Variants in DPY19L2 observed in about 807,000 individuals in gnomAD.
DPY19L2 encodes the protein probable C-mannosyltransferase DPY19L2.
Under a neutral mutation model 97.9 loss-of-function variants are expected in DPY19L2, and 34 were observed. The ratio of observed to expected loss-of-function variants is 0.35; its 90% CI spans 0.26 to 0.46. The LOEUF (loss-of-function observed/expected upper bound fraction) is 0.46. DPY19L2 is among the 20% of genes least tolerant of loss of function. The pLI is 1.00. For missense variants in DPY19L2, 623 were observed against 911.4 expected (o/e 0.68, Z 4.07); for synonymous variants, 230 against 307.9 (o/e 0.75, Z 2.65).
At chr12:63,661,249 C>T (rs1895635178) in intron 4 of DPY19L2, 95 bp downstream of exon 4, 10 of 1,241,196 alleles carry the variant, frequency 8.1e-6, no homozygotes, top group Admixed American at 2.8e-5. Context: ...AAACCTGAAA[C>T]GTCCCCTCCC....
At chr12:63,604,575 T>C (rs995915792) in intron 12 of DPY19L2, among the ~76,000 whole-genome samples, 2 of 152,102 alleles carry the variant, frequency 1.3e-5, no homozygotes, top group African/African-American at 4.8e-5. Flanking sequence ...ATTTCTATTG[T>C]TCTGTCTTCA....
At chr12:63,630,363 C>T (rs12313913) in intron 6 of DPY19L2, among the ~76,000 whole-genome samples, 2 of 151,928 alleles carry the variant, frequency 1.3e-5, no homozygotes, top group Admixed American at 6.6e-5. Flanking sequence ...AATAAAGGGA[C>T]AGAGGAAGAT....
chr12:63,598,551 T>G (rs1273536076), intron 13 of DPY19L2, among the ~76,000 whole-genome samples: 1 of 152,112 alleles, frequency 6.6e-6, no homozygotes, highest in Non-Finnish European at 1.5e-5. Flanking sequence ...CTGCTCTTGG[T>G]GAGACAATTA....
intron 2 of DPY19L2, among the ~76,000 whole-genome samples, chr12:63,664,636 G>GA (rs1592782161): frequency 6.6e-6 from 1 of 152,126 alleles, no homozygotes; most frequent in African/African-American, 2.4e-5. Context: ...TGTACTTGAA[G>GA]ACCTTTTAGT....
chr12:63,560,932 C>A (rs190802023), intron 21 of DPY19L2, among the ~76,000 whole-genome samples: 8 of 152,266 alleles, frequency 5.3e-5, no homozygotes, highest in South Asian at 2.1e-4. Flanking sequence ...TGTAAAAGCA[C>A]ACTTTCAAGA....
intron 19 of DPY19L2, among the ~76,000 whole-genome samples, chr12:63,571,656 G>T (rs1247655487): frequency 6.6e-6 from 1 of 152,082 alleles, no homozygotes; most frequent in African/African-American, 2.4e-5. Context: ...TAAGTTCTCA[G>T]AGTTACCATT....
At chr12:63,587,140 T>G (rs960222289) in intron 16 of DPY19L2, among the ~76,000 whole-genome samples, 1 of 152,100 alleles carries the variant, frequency 6.6e-6, no homozygotes, top group African/African-American at 2.4e-5. Flanking sequence ...GCAATATTAA[T>G]TTTATACAAA....
intron 12 of DPY19L2, among the ~76,000 whole-genome samples, chr12:63,601,358 T>G (rs1885161224): frequency 6.6e-6 from 1 of 152,186 alleles, no homozygotes; most frequent in Non-Finnish European, 1.5e-5. Context: ...GTTTATTTTT[T>G]GACTAGCCTT....
intron 9 of DPY19L2, among the ~76,000 whole-genome samples, chr12:63,619,401 T>C (rs2137780131): frequency 6.6e-6 from 1 of 152,274 alleles, no homozygotes; most frequent in South Asian, 2.1e-4. Context: ...ATTATCCCTC[T>C]GTAAGCATGA....
chr12:63,653,888 T>A (rs997594665), intron 4 of DPY19L2, among the ~76,000 whole-genome samples: 2 of 151,986 alleles, frequency 1.3e-5, no homozygotes, highest in African/African-American at 4.8e-5. Flanking sequence ...GGCACAACAC[T>A]TGCCGAATGC....
chr12:63,609,116 C>T (rs1428626118), intron 11 of DPY19L2, among the ~76,000 whole-genome samples: 2 of 152,028 alleles, frequency 1.3e-5, no homozygotes, highest in East Asian at 3.8e-4. Flanking sequence ...GAAAGAACTT[C>T]TCCGATGCTA....
At chr12:63,645,969 G>A (rs1893357310) in intron 5 of DPY19L2, among the ~76,000 whole-genome samples, 1 of 151,916 alleles carries the variant, frequency 6.6e-6, no homozygotes, top group African/African-American at 2.4e-5. Flanking sequence ...TATATTCCCA[G>A]CACCATTTCA....
chr12:63,640,779 A>C (rs1275644874), intron 6 of DPY19L2, among the ~76,000 whole-genome samples: 1 of 152,184 alleles, frequency 6.6e-6, no homozygotes, highest in Non-Finnish European at 1.5e-5. Context: ...AATGAAATAT[A>C]CTGATTTTTT....
chr12:63,576,017 T>C (rs1178532387), intron 19 of DPY19L2, among the ~76,000 whole-genome samples: 1 of 152,030 alleles, frequency 6.6e-6, no homozygotes, highest in Non-Finnish European at 1.5e-5. Flanking sequence ...CCAAAATCTC[T>C]GATTAATGTT....
At chr12:63,588,136 T>C (rs1354131565) in intron 16 of DPY19L2, among the ~76,000 whole-genome samples, 1 of 152,022 alleles carries the variant, frequency 6.6e-6, no homozygotes, top group African/African-American at 2.4e-5. Flanking sequence ...CATAAACATA[T>C]AAACAGAGAT....
chr12:63,612,363 A>G (rs1340848635), intron 11 of DPY19L2, among the ~76,000 whole-genome samples: 2 of 152,084 alleles, frequency 1.3e-5, no homozygotes, highest in East Asian at 3.8e-4. Flanking sequence ...TAAAAATTTC[A>G]AATACTTTTC....
chr12:63,628,959 C>G (rs998175392), intron 6 of DPY19L2, among the ~76,000 whole-genome samples: 4 of 151,946 alleles, frequency 2.6e-5, no homozygotes, highest in East Asian at 1.9e-4. Context: ...CAAACAGGGT[C>G]TGGAGTGGAC....
intron 21 of DPY19L2, among the ~76,000 whole-genome samples, chr12:63,565,633 T>TG (rs953579000): frequency 7.9e-4 from 120 of 152,254 alleles, no homozygotes; most frequent in African/African-American, 2.6e-3. Context: ...ATGGCCATCG[T>TG]GGGGGGCTCA....
intron 11 of DPY19L2, among the ~76,000 whole-genome samples, chr12:63,615,650 G>C (rs1333359854): frequency 1.3e-5 from 2 of 152,088 alleles, no homozygotes; most frequent in African/African-American, 4.8e-5. Context: ...CAGATATGCA[G>C]GAAACTTGTA....
Sources: allele counts gnomAD v4.1 joint callset (sites outside exome capture counted in the v4.1 genomes callset), GRCh38; gene constraint gnomAD v4.1.1; transcripts MANE v1.5; gene names NCBI Gene and HGNC (gene_info 2026-07-23, HGNC 2026-07-21).